The following CERT1 variants were observed in gnomAD, a reference collection of about 807,000 sequenced individuals.
CERT1 encodes ceramide transfer protein.
CERT1 carries 31 observed loss-of-function variants against 87.9 expected under a neutral mutation model. The observed-to-expected ratio is 0.35, with a 90% CI of 0.27 to 0.48. The LOEUF (loss-of-function observed/expected upper bound fraction) is 0.48, where lower values mean the gene tolerates loss of function less well. CERT1 is among the 20% of genes least tolerant of loss of function. The pLI is 0.99. For synonymous variants in CERT1, 289 were observed against 250.9 expected, an observed-to-expected ratio of 1.15 and a Z score of -1.44; for missense variants, 487 against 758.0, an observed-to-expected ratio of 0.64 and a Z score of 4.20.
intron 2 of CERT1, among the ~76,000 whole-genome samples, chr5:75,470,600 T>C (rs375194070): frequency 1.3e-5 from 2 of 152,092 alleles, no homozygotes; most frequent in South Asian, 2.1e-4. Context: ...AAATTAGTTA[T>C]AGAAGAAATG....
chr5:75,403,991 G>T (rs987774121), intron 8 of CERT1, among the ~76,000 whole-genome samples: 3 of 152,162 alleles, frequency 2.0e-5, no homozygotes, highest in Non-Finnish European at 4.4e-5. Context: ...TTTGTATTAT[G>T]ATAAAAGTAG....
Position 75,429,068 on chromosome 5 carries a change from T to G in CERT1, c.349-2590A>C, listed in dbSNP as rs556764582. Reference sequence around the variant, plus strand: ...ATCTCTGGATTTTCCGCTTCTCAGATTAATGGTCTTTTTGTCAAAAAACAT... The same window carrying G: ...ATCTCTGGATTTTCCGCTTCTCAGAGTAATGGTCTTTTTGTCAAAAAACAT... On this transcript the variant is annotated intron_variant, in intron 3 of 16. Transcript: ENST00000643780. 2.0e-5 allele frequency among the ~76,000 whole-genome samples: 3 copies of G among 151,874 alleles called. No individual in the cohort carries two copies. The South Asian group carries it at 6.2e-4, about 32-fold the overall frequency.
At chr5:75,490,428 G>C (rs1375701638) in intron 2 of CERT1, among the ~76,000 whole-genome samples, 1 of 150,124 alleles carries the variant, frequency 6.7e-6, no homozygotes, top group Admixed American at 6.6e-5. Flanking sequence ...TAATTTTTCT[G>C]ATCCTTTTTA....
At chr5:75,456,120 T>C (rs556642143) in intron 3 of CERT1, among the ~76,000 whole-genome samples, 3 of 152,200 alleles carry the variant, frequency 2.0e-5, no homozygotes, top group African/African-American at 4.8e-5. Context: ...GAAGAATGAA[T>C]CAAGAAACAT....
chr5:75,390,871 ATAACTCACTGTAATCTTGAACTTCTGGGC>A (rs1191503451), intron 11 of CERT1, among the ~76,000 whole-genome samples: 2 of 152,160 alleles, frequency 1.3e-5, no homozygotes, highest in African/African-American at 4.8e-5. Context: ...CGGCACAATC[ATAACTCACTGTAATCTTGAACTTCTGGGC>A]TCAAGTGATC....
chr5:75,477,715 T>C (rs1766033095), intron 2 of CERT1, among the ~76,000 whole-genome samples: 1 of 145,878 alleles, frequency 6.9e-6, no homozygotes, highest in African/African-American at 2.5e-5. Context: ...ACCTACTCTA[T>C]AGAATATTAT....
intron 2 of CERT1, among the ~76,000 whole-genome samples, chr5:75,501,862 G>A (rs1230131431): frequency 6.6e-6 from 1 of 152,106 alleles, no homozygotes; most frequent in Non-Finnish European, 1.5e-5. Flanking sequence ...AAATTCAAGT[G>A]TAAATTTTAG....
Position 75,511,265 on chromosome 5 carries a change from G to A in CERT1, c.-58C>T. On this transcript the variant is annotated 5_prime_UTR_variant, in exon 1 of 17. Transcript: ENST00000643780. ...CCGCTCCCTCAGCTGCGCCGGAGGA[G>A]GCGCCCAGTCCTCGGGGTGAAGGGT... is the stretch of plus-strand genomic sequence containing the variant. 1.9e-6 allele frequency: 3 copies of A among 1,595,944 alleles called. No homozygotes were observed. Among genetic ancestry groups the A allele is most frequent in the Non-Finnish European group, 2.6e-6 (3 of 1,171,282 alleles).
chr5:75,419,259 T>C, intron 6 of CERT1, 82 bp downstream of exon 6: 1 of 859,634 alleles, frequency 1.2e-6, no homozygotes, highest in South Asian at 1.7e-5. Context: ...AAAAAATTAA[T>C]CAGGTAATTA....
chr5:75,457,633 T>G (rs1023676887), intron 3 of CERT1, among the ~76,000 whole-genome samples: 1 of 151,858 alleles, frequency 6.6e-6, no homozygotes, highest in African/African-American at 2.4e-5. Flanking sequence ...AAAGGTAACA[T>G]AGTCAATTTT....
Position 75,399,781 on chromosome 5 carries a change from T to C in CERT1, c.1111-394A>G, listed in dbSNP as rs1415562240. Among the ~76,000 whole-genome samples the C allele has an allele frequency of 2.6e-5, 4 of 152,300 alleles. No individual in the cohort carries two copies. In the East Asian group the frequency reaches 5.8e-4, roughly 22 times the overall value. On this transcript the variant is annotated intron_variant, in intron 10 of 16. Transcript: ENST00000643780. ...TTTGGAGGATGTATATGGAATACAA[T>C]ATATAAAACCAAAAACAGTCTCATT...
intron 13 of CERT1, 59 bp downstream of exon 13, chr5:75,385,843 T>C (rs924466199): frequency 8.0e-7 from 1 of 1,257,062 alleles, no homozygotes. Flanking sequence ...GAAAACTAGG[T>C]TGGATTTGAT....
chr5:75,456,682 A>T (rs995411781), intron 3 of CERT1, among the ~76,000 whole-genome samples: 4 of 151,328 alleles, frequency 2.6e-5, no homozygotes, highest in Non-Finnish European at 5.9e-5. Flanking sequence ...AAAAAAAAAA[A>T]AAAAGAAAGG....
At chr5:75,502,425 C>T (rs1767417075) in intron 2 of CERT1, among the ~76,000 whole-genome samples, 1 of 151,856 alleles carries the variant, frequency 6.6e-6, no homozygotes. Context: ...ATATTTGTTT[C>T]AATAATGATT....
Position 75,464,919 on chromosome 5 carries a change from G to A in CERT1, c.232-5738C>T, listed in dbSNP as rs577393765. 2.6e-5 allele frequency among the ~76,000 whole-genome samples: 4 copies of A among 152,164 alleles called. No homozygotes were observed. In the East Asian group the frequency reaches 5.8e-4, roughly 22 times the overall value. ...GAATTTTAGGTTCTCTTTCTCTGGC[G>A]CTGTAATTTAGGATTATCTCCTTAC... is the stretch of plus-strand genomic sequence containing the variant. On this transcript the variant is annotated intron_variant, in intron 2 of 16. Transcript: ENST00000643780.
chr5:75,417,614 T>A (rs1763190252), intron 6 of CERT1, among the ~76,000 whole-genome samples: 1 of 152,200 alleles, frequency 6.6e-6, no homozygotes, highest in South Asian at 2.1e-4. Context: ...TAAGAAATCA[T>A]TCTAGTAGAA....
chr5:75,453,325 A>G (rs1344557220), intron 3 of CERT1, among the ~76,000 whole-genome samples: 1 of 152,196 alleles, frequency 6.6e-6, no homozygotes, highest in East Asian at 1.9e-4. Flanking sequence ...TGCGTGCCCA[A>G]TGCTTTGCTG....
chr5:75,460,789 A>C (rs1420531531), intron 2 of CERT1, among the ~76,000 whole-genome samples: 1 of 152,216 alleles, frequency 6.6e-6, no homozygotes, highest in Non-Finnish European at 1.5e-5. Flanking sequence ...AACACAATAT[A>C]AACTAACTCT....
chr5:75,469,791 T>C (rs570655845), intron 2 of CERT1, among the ~76,000 whole-genome samples: 5 of 152,222 alleles, frequency 3.3e-5, no homozygotes, highest in African/African-American at 4.8e-5. Flanking sequence ...GAGTGACTGG[T>C]TGGATTTTTA....
Sources: gnomAD v4.1 joint callset for allele counts (sites outside exome capture counted in the v4.1 genomes callset) on GRCh38, gnomAD v4.1.1 for gene constraint, MANE v1.5 for transcripts, NCBI Gene and HGNC (gene_info 2026-07-23, HGNC 2026-07-21) for gene names.